Variants in RPS6KC1 observed in about 807,000 individuals in gnomAD.
The protein encoded by RPS6KC1 is ribosomal protein S6 kinase C1.
Under a neutral mutation model 103.8 loss-of-function variants are expected in RPS6KC1, and 54 were observed. The observed-to-expected ratio is 0.52, with a 90% confidence interval of 0.42 to 0.65. RPS6KC1 has a LOEUF of 0.65. RPS6KC1 is among the 30% of genes least tolerant of loss of function. The probability of loss-of-function intolerance (pLI) is 0.00; values close to 1 mark genes in which losing one functional copy is unlikely to be tolerated. For synonymous variants in RPS6KC1, 439 were observed against 438.7 expected (o/e 1.00, Z -0.01); for missense variants, 1,151 against 1,253.8 (o/e 0.92, Z 1.24).
the RPS6KC1 span, among the ~76,000 whole-genome samples, chr1:213,371,876 G>T: frequency 2.2e-4 from 34 of 152,230 alleles, no homozygotes; most frequent in African/African-American, 7.9e-4. Flanking sequence ...TGTGAGTCTG[G>T]GGGAGGGGGA....
chr1:213,248,782 C>T (rs1157247490), intron 12 of RPS6KC1, among the ~76,000 whole-genome samples: 1 of 152,114 alleles, frequency 6.6e-6, no homozygotes, highest in African/African-American at 2.4e-5. Flanking sequence ...AGCCAGAATG[C>T]GATTTGTCTC....
the RPS6KC1 span, among the ~76,000 whole-genome samples, chr1:213,822,991 A>G: frequency 1.7e-4 from 26 of 152,126 alleles, no homozygotes; most frequent in African/African-American, 6.0e-4. Flanking sequence ...ATGTCTTCCA[A>G]TAATGCTCAG....
intron 10 of RPS6KC1, 134 bp from the exon 11 acceptor site, chr1:213,240,568 G>C: frequency 1.4e-6 from 1 of 725,110 alleles, no homozygotes; most frequent in Non-Finnish European, 2.3e-6. Flanking sequence ...TTATCTTATG[G>C]CACACGATAT....
the RPS6KC1 span, among the ~76,000 whole-genome samples, chr1:213,417,207 T>G: frequency 6.6e-6 from 1 of 152,136 alleles, no homozygotes; most frequent in East Asian, 1.9e-4. Context: ...CCAGAGCTCC[T>G]TATACATTTG....
At chr1:213,530,951 G>T in the RPS6KC1 span, among the ~76,000 whole-genome samples, 1 of 152,204 alleles carries the variant, frequency 6.6e-6, no homozygotes, top group African/African-American at 2.4e-5. Flanking sequence ...AATGTCTTGT[G>T]TATACAGATT....
chr1:213,857,867 C>T, the RPS6KC1 span, among the ~76,000 whole-genome samples: 1 of 152,200 alleles, frequency 6.6e-6, no homozygotes, highest in South Asian at 2.1e-4. Context: ...CACCACTGCT[C>T]ACCCAGGGAC....
the RPS6KC1 span, among the ~76,000 whole-genome samples, chr1:213,393,990 A>G: frequency 3.9e-5 from 6 of 152,180 alleles, no homozygotes; most frequent in Non-Finnish European, 8.8e-5. Flanking sequence ...GGGATTAGCC[A>G]CAGCCGAAGA....
chr1:213,102,383 C>T (rs987508223), intron 3 of RPS6KC1, among the ~76,000 whole-genome samples: 4 of 152,108 alleles, frequency 2.6e-5, no homozygotes, highest in Non-Finnish European at 5.9e-5. Flanking sequence ...CCACTGTACC[C>T]TGTTTGTGTC....
At chr1:213,618,674 A>G in the RPS6KC1 span, among the ~76,000 whole-genome samples, 3 of 152,212 alleles carry the variant, frequency 2.0e-5, no homozygotes, top group Admixed American at 2.0e-4. Context: ...TCAGAATGAG[A>G]TGGTATTCCA....
the RPS6KC1 span, among the ~76,000 whole-genome samples, chr1:213,657,270 A>C: frequency 1.3e-5 from 2 of 152,110 alleles, no homozygotes; most frequent in Admixed American, 6.5e-5. Flanking sequence ...AAAAAAAGAT[A>C]AGGAAGGCAA....
intron 8 of RPS6KC1, among the ~76,000 whole-genome samples, chr1:213,225,009 A>C (rs1029081641): frequency 3.3e-5 from 5 of 152,206 alleles, no homozygotes; most frequent in African/African-American, 7.2e-5. Flanking sequence ...TGTTAGCAGG[A>C]GTGCTGGTGT....
the RPS6KC1 span, among the ~76,000 whole-genome samples, chr1:213,680,117 T>C: frequency 6.6e-6 from 1 of 152,124 alleles, no homozygotes; most frequent in East Asian, 1.9e-4. Context: ...ATCCAGAATG[T>C]CTCTAAATGA....
At chr1:213,644,147 T>G in the RPS6KC1 span, among the ~76,000 whole-genome samples, 2 of 152,122 alleles carry the variant, frequency 1.3e-5, no homozygotes, top group African/African-American at 4.8e-5. Flanking sequence ...GTTTTATATT[T>G]ATCCATCTAA....
the RPS6KC1 span, among the ~76,000 whole-genome samples, chr1:213,855,478 G>A: frequency 7.2e-5 from 11 of 152,224 alleles, no homozygotes; most frequent in East Asian, 1.2e-3. Flanking sequence ...TCCTTCTGCC[G>A]ACAATGCACT....
At chr1:213,624,795 T>C in the RPS6KC1 span, among the ~76,000 whole-genome samples, 4 of 152,134 alleles carry the variant, frequency 2.6e-5, no homozygotes, top group Non-Finnish European at 4.4e-5. Flanking sequence ...GGGTCTCTTT[T>C]ATAAGGGCAC....
At chr1:213,097,174 T>C (rs750278351) in intron 3 of RPS6KC1, among the ~76,000 whole-genome samples, 1 of 152,050 alleles carries the variant, frequency 6.6e-6, no homozygotes, top group African/African-American at 2.4e-5. Flanking sequence ...GCCAACATGG[T>C]GAAACCCCGT....
the RPS6KC1 span, among the ~76,000 whole-genome samples, chr1:213,304,122 C>T: frequency 4.2e-5 from 6 of 143,970 alleles, no homozygotes; most frequent in South Asian, 2.3e-4. Context: ...AGGAGAATGG[C>T]GTGAACCCGG....
the RPS6KC1 span, among the ~76,000 whole-genome samples, chr1:213,285,309 A>AC: frequency 6.7e-6 from 1 of 149,278 alleles, no homozygotes; most frequent in Admixed American, 6.8e-5. Context: ...TATCCTAATT[A>AC]CCTCCTGAAG....
At chr1:213,824,968 A>G in the RPS6KC1 span, among the ~76,000 whole-genome samples, 1 of 152,188 alleles carries the variant, frequency 6.6e-6, no homozygotes, top group Non-Finnish European at 1.5e-5. Flanking sequence ...GACAAGGCAC[A>G]AGGGCATTGC....
Sources: allele counts gnomAD v4.1 joint callset (sites outside exome capture counted in the v4.1 genomes callset), GRCh38; gene constraint gnomAD v4.1.1; transcripts MANE v1.5; gene names NCBI Gene and HGNC (gene_info 2026-07-23, HGNC 2026-07-21).